KCNB2: variants seen among roughly 807,000 people sequenced by gnomAD.
The protein encoded by KCNB2 is delayed rectifier potassium channel protein.
KCNB2 carries 15 observed loss-of-function variants against 61.5 expected under a neutral mutation model. The ratio of observed to expected loss-of-function variants is 0.24; its 90% CI spans 0.16 to 0.38. KCNB2 has a LOEUF of 0.38. KCNB2 is among the 10% of genes least tolerant of loss of function. The pLI is 1.00. For synonymous variants in KCNB2, 457 were observed against 446.0 expected (o/e 1.02, Z -0.31); for missense variants, 828 against 1,125.2 (o/e 0.74, Z 3.78).
At chr8:72,668,454 C>G (rs1295619611) in intron 2 of KCNB2, among the ~76,000 whole-genome samples, 1 of 152,158 alleles carries the variant, frequency 6.6e-6, no homozygotes, top group African/African-American at 2.4e-5. Context: ...TTCTTAGGAG[C>G]TGGTCAAAGG....
chr8:72,561,777 G>A (rs56668088), intron 1 of KCNB2, among the ~76,000 whole-genome samples: 8 of 29,974 alleles, frequency 2.7e-4, no homozygotes, highest in Non-Finnish European at 3.4e-4. Flanking sequence ...ATATATATAT[G>A]GATATATATA....
intron 2 of KCNB2, among the ~76,000 whole-genome samples, chr8:72,866,563 A>G (rs1390335096): frequency 6.6e-6 from 1 of 152,186 alleles, no homozygotes; most frequent in African/African-American, 2.4e-5. Context: ...GTTAAGCTTA[A>G]AATTCTTGTT....
chr8:72,895,417 A>C (rs144681934), intron 2 of KCNB2, among the ~76,000 whole-genome samples: 256 of 152,308 alleles, frequency 1.7e-3, no homozygotes, highest in African/African-American at 5.8e-3. Context: ...GCATGACCTA[A>C]GTAAGCTGGA....
At chr8:72,700,922 C>T (rs1308820366) in intron 2 of KCNB2, among the ~76,000 whole-genome samples, 1 of 152,140 alleles carries the variant, frequency 6.6e-6, no homozygotes, top group East Asian at 1.9e-4. Context: ...AAAATCTCGT[C>T]CTTTGCAGCA....
rs117420912 is a variant in KCNB2 at position 72,834,725 on chromosome 8, A to T, written c.580-101210A>T. ...TAGAAAGGATGCACCCAACCTGGGC[A>T]TACCTTTCTGTAAAAGAAATGAAGT... On this transcript the variant is annotated intron_variant, in intron 2 of 2. Coordinates refer to ENST00000523207, the MANE Select transcript of KCNB2 (RefSeq NM_004770.3). Among the ~76,000 whole-genome samples the T allele has an allele frequency of 3.5e-3, 531 of 152,298 alleles. 3 individuals are homozygous for T. The highest frequency in any genetic ancestry group is 4.2e-3 in the Non-Finnish European group (286 of 68,036).
chr8:72,686,578 G>A (rs1806857205), intron 2 of KCNB2, among the ~76,000 whole-genome samples: 1 of 152,140 alleles, frequency 6.6e-6, no homozygotes, highest in African/African-American at 2.4e-5. Context: ...CAGTAAGTTG[G>A]TATTGAAGAG....
At chr8:72,646,329 T>C (rs1260905224) in intron 2 of KCNB2, among the ~76,000 whole-genome samples, 1 of 152,170 alleles carries the variant, frequency 6.6e-6, no homozygotes, top group Admixed American at 6.6e-5. Context: ...ATGAGAAGTC[T>C]AGTTAAGAGA....
intron 2 of KCNB2, among the ~76,000 whole-genome samples, chr8:72,800,613 A>G (rs1809109822): frequency 6.6e-6 from 1 of 151,968 alleles, no homozygotes; most frequent in Non-Finnish European, 1.5e-5. Context: ...AGAGCTCCAT[A>G]AAAGATTCAA....
intron 2 of KCNB2, among the ~76,000 whole-genome samples, chr8:72,625,838 T>C (rs1805781888): frequency 6.6e-6 from 1 of 152,066 alleles, no homozygotes; most frequent in Non-Finnish European, 1.5e-5. Flanking sequence ...AGGACAGGGG[T>C]TGTCAGCTGT....
chr8:72,695,612 T>C (rs1807006157), intron 2 of KCNB2, among the ~76,000 whole-genome samples: 1 of 152,210 alleles, frequency 6.6e-6, no homozygotes, highest in African/African-American at 2.4e-5. Flanking sequence ...CATGATCTTA[T>C]GTTCAAAGGA....
At chr8:72,820,748 C>T (rs1809483901) in intron 2 of KCNB2, among the ~76,000 whole-genome samples, 2 of 152,164 alleles carry the variant, frequency 1.3e-5, no homozygotes, top group African/African-American at 4.8e-5. Flanking sequence ...CTTATCCTCT[C>T]TAAATTTCTT....
chr8:72,853,637 A>C (rs947054001), intron 2 of KCNB2, among the ~76,000 whole-genome samples: 52 of 152,330 alleles, frequency 3.4e-4, no homozygotes, highest in African/African-American at 1.2e-3. Context: ...GCAATGCATC[A>C]TTAGGTGAAA....
intron 2 of KCNB2, among the ~76,000 whole-genome samples, chr8:72,772,418 C>T (rs1226085259): frequency 6.6e-6 from 1 of 152,164 alleles, no homozygotes; most frequent in African/African-American, 2.4e-5. Context: ...GCTAAATATC[C>T]TCTGGCGGGC....
Position 72,567,814 on chromosome 8 carries a change from T to C in KCNB2, c.80T>C (p.Ile27Thr). 6.2e-7 allele frequency: 1 copy of C among 1,613,706 alleles called. No individual in the cohort carries two copies. The highest frequency in any genetic ancestry group is 8.5e-7 in the Non-Finnish European group (1 of 1,179,898). The change falls in exon 2 of 3, where the codon ATT (isoleucine) becomes ACT (threonine). Residue 27 changes from isoleucine (I) to threonine (T), a missense_variant. Physicochemically the swap from Ile to Thr is moderately conservative, Grantham distance 89. Transcript: ENST00000523207. ...TLSLPPEPVD[I>T]IRSKTCSRRV... ...TCCCTTCCTCCAGAGCCTGTGGACA[T>C]TATCCGGAGCAAAACATGCTCCAGG...
rs1807448128 is a variant in KCNB2 at position 72,716,693 on chromosome 8, C to T, written c.579+148380C>T. ...TAATAAGAGCTATCTATGACAAACC[C>T]ACAGCCAATATCATACTGAATGGAC... On this transcript the variant is annotated intron_variant, in intron 2 of 2. Coordinates refer to ENST00000523207, the MANE Select transcript of KCNB2 (RefSeq NM_004770.3). Among the ~76,000 whole-genome samples the T allele has an allele frequency of 4.6e-5, 7 of 152,042 alleles. No homozygotes were observed. In the South Asian group the frequency reaches 1.5e-3, roughly 32 times the overall value.
At chr8:72,716,454 C>T (rs1432828842) in intron 2 of KCNB2, among the ~76,000 whole-genome samples, 1 of 152,190 alleles carries the variant, frequency 6.6e-6, no homozygotes, top group East Asian at 1.9e-4. Context: ...CATCAAAAAG[C>T]TTATCCACCA....
At chr8:72,671,508 C>A (rs1017853008) in intron 2 of KCNB2, among the ~76,000 whole-genome samples, 9 of 152,048 alleles carry the variant, frequency 5.9e-5, no homozygotes, top group African/African-American at 1.9e-4. Flanking sequence ...TGTGATTGAA[C>A]CAAAGAGAAA....
At chr8:72,859,603 T>A (rs1488720104) in intron 2 of KCNB2, among the ~76,000 whole-genome samples, 15 of 151,812 alleles carry the variant, frequency 9.9e-5, no homozygotes, top group African/African-American at 3.6e-4. Context: ...GCATTTCATA[T>A]ATATTCACAG....
At chr8:72,538,768 A>T (rs997462278) in intron 1 of KCNB2, among the ~76,000 whole-genome samples, 1 of 152,154 alleles carries the variant, frequency 6.6e-6, no homozygotes, top group Non-Finnish European at 1.5e-5. Context: ...GCATTGATTA[A>T]TTTTTTTATT....
Sources: allele counts gnomAD v4.1 joint callset (sites outside exome capture counted in the v4.1 genomes callset), GRCh38; gene constraint gnomAD v4.1.1; transcripts MANE v1.5; gene names NCBI Gene and HGNC (gene_info 2026-07-23, HGNC 2026-07-21).